The following DOCK3 variants were observed in gnomAD, a reference collection of about 807,000 sequenced individuals.
DOCK3 encodes dedicator of cytokinesis protein 3.
A neutral mutation model predicts 265.6 loss-of-function variants in DOCK3; 60 were observed. The ratio of observed to expected loss-of-function variants is 0.23; its 90% CI spans 0.18 to 0.28. The LOEUF (loss-of-function observed/expected upper bound fraction) is 0.28. Among genes scored for constraint, DOCK3 ranks in the 10% least tolerant of loss-of-function variants. DOCK3 has a pLI of 1.00. For missense variants in DOCK3, 1,981 were observed against 2,594.3 expected (o/e 0.76, Z 5.14); for synonymous variants, 881 against 938.0 (o/e 0.94, Z 1.11).
intron 1 of DOCK3, among the ~76,000 whole-genome samples, chr3:50,729,472 C>T (rs971348157): frequency 6.6e-6 from 1 of 151,782 alleles, no homozygotes; most frequent in Non-Finnish European, 1.5e-5. Context: ...ATGTGCCATG[C>T]TGGTGCGCTG....
intron 32 of DOCK3, among the ~76,000 whole-genome samples, chr3:51,328,987 T>C (rs1216013739): frequency 6.6e-6 from 1 of 152,032 alleles, no homozygotes; most frequent in East Asian, 1.9e-4. Flanking sequence ...ACCCCATCTC[T>C]ACTAAAAATA....
intron 12 of DOCK3, among the ~76,000 whole-genome samples, chr3:51,161,960 T>C (rs994741244): frequency 6.6e-6 from 1 of 152,152 alleles, no homozygotes; most frequent in Non-Finnish European, 1.5e-5. Context: ...TGTTAAACAA[T>C]AGGAAAAACA....
At chr3:50,798,316 C>T (rs1377631849) in intron 2 of DOCK3, among the ~76,000 whole-genome samples, 2 of 152,228 alleles carry the variant, frequency 1.3e-5, no homozygotes, top group East Asian at 3.8e-4. Context: ...ATAGAAGGAA[C>T]TTGACCAAGC....
chr3:51,279,209 G>T (rs1434416075), intron 26 of DOCK3, among the ~76,000 whole-genome samples: 1 of 152,174 alleles, frequency 6.6e-6, no homozygotes, highest in Non-Finnish European at 1.5e-5. Flanking sequence ...CCAAGATCAT[G>T]CCATTGCGCT....
chr3:51,341,703 T>C (rs1560468151), intron 38 of DOCK3, among the ~76,000 whole-genome samples: 1 of 152,226 alleles, frequency 6.6e-6, no homozygotes, highest in Non-Finnish European at 1.5e-5. Context: ...TTTTATTGGA[T>C]TTACTTAAAG....
Position 51,362,594 on chromosome 3 carries a change from C to A in DOCK3, c.5213C>A (p.Ala1738Glu), listed in dbSNP as rs745736088. ...TNVSVLSSSQ[A>E]SPSSSSLSST... ...GTCTCTGTTCTGTCCTCGTCCCAGG[C>A]AAGCCCTTCTTCCTCCAGCCTGAGT... The change falls in exon 49 of 53, where the codon GCA (alanine) becomes GAA (glutamate). Residue 1738 changes from alanine to glutamate, a missense_variant. Around this residue, in one of 4 missense-constraint regions of DOCK3, gnomAD observed 1,357 missense variants for 1,866.8 expected, o/e 0.73. Transcript: ENST00000266037. 6.2e-7 allele frequency: 1 copy of A among 1,614,024 alleles called. No individual in the cohort carries two copies. The highest frequency in any genetic ancestry group is 1.7e-5 in the Admixed American group (1 of 60,024).
intron 5 of DOCK3, among the ~76,000 whole-genome samples, chr3:50,982,190 A>G (rs2077719213): frequency 6.6e-6 from 1 of 152,260 alleles, no homozygotes; most frequent in African/African-American, 2.4e-5. Flanking sequence ...AGTAGGCAGC[A>G]TATAGCTGTG....
intron 14 of DOCK3, among the ~76,000 whole-genome samples, chr3:51,221,268 T>C (rs2090085665): frequency 6.6e-6 from 1 of 152,202 alleles, no homozygotes; most frequent in African/African-American, 2.4e-5. Context: ...AGTAGCTGTT[T>C]GTCTAGGTGC....
At chr3:51,309,333 G>C (rs1006670749) in intron 27 of DOCK3, among the ~76,000 whole-genome samples, 1 of 152,226 alleles carries the variant, frequency 6.6e-6, no homozygotes, top group Non-Finnish European at 1.5e-5. Context: ...TGCAATCCCG[G>C]CACCTCAGGA....
chr3:50,790,473 C>CT (rs35664807), intron 2 of DOCK3, among the ~76,000 whole-genome samples: 89,898 of 131,848 alleles, frequency 0.68, 31,075 homozygotes, highest in Middle Eastern at 0.75. Flanking sequence ...ATATTTAGAG[C>CT]TTTTTTTTTT....
At chr3:50,952,221 A>G (rs539929154) in intron 5 of DOCK3, among the ~76,000 whole-genome samples, 1 of 152,312 alleles carries the variant, frequency 6.6e-6, no homozygotes, top group Admixed American at 6.5e-5. Context: ...TTGGAATAGT[A>G]TAATACTTTC....
At position 50,990,971 on chromosome 3, in the gene DOCK3, A is replaced by G. The variant is rs529494919; in HGVS notation, c.315+56894A>G. ...TACTTTGCATCCTTCAATCCAATCA[A>G]GTTCACACTCAACATTAACCATTAT... is the stretch of plus-strand genomic sequence containing the variant. On this transcript the variant is annotated intron_variant, in intron 5 of 52. Coordinates refer to ENST00000266037, the MANE Select transcript of DOCK3 (RefSeq NM_004947.5). 3.9e-5 allele frequency among the ~76,000 whole-genome samples: 6 copies of G among 152,302 alleles called. 2 individuals are homozygous for G. Among genetic ancestry groups the G allele is most frequent in the African/African-American group, 1.2e-4 (5 of 41,564 alleles).
At chr3:51,303,791 C>G (rs561402101) in intron 27 of DOCK3, among the ~76,000 whole-genome samples, 1 of 152,222 alleles carries the variant, frequency 6.6e-6, no homozygotes, top group East Asian at 1.9e-4. Context: ...GCTTCTTCCT[C>G]TGAGATCTCT....
rs939198343 is a variant in DOCK3, at chr3:51,252,074, A to C, written c.2184+5267A>C. On this transcript the variant is annotated intron_variant, in intron 22 of 52. Transcript: ENST00000266037. ...GGAAGGGATCCAGTTTCAGCTTTCT[A>C]CATATGGCTAGCCAGTTTTCCCAGC... Among the ~76,000 whole-genome samples, 20 of 152,164 alleles carry C rather than the reference A, an allele frequency of 1.3e-4. 1 individual carries two copies. Among genetic ancestry groups the C allele is most frequent in the African/African-American group, 4.6e-4 (19 of 41,450 alleles).
At chr3:51,194,549 G>A (rs1409667354) in intron 12 of DOCK3, among the ~76,000 whole-genome samples, 1 of 151,996 alleles carries the variant, frequency 6.6e-6, no homozygotes, top group Non-Finnish European at 1.5e-5. Flanking sequence ...TCTCTCTTTA[G>A]CTTTAATGAT....
At chr3:51,372,906 A>G (rs2087801705) in intron 49 of DOCK3, among the ~76,000 whole-genome samples, 1 of 152,256 alleles carries the variant, frequency 6.6e-6, no homozygotes, top group South Asian at 2.1e-4. Context: ...AAGAGAACAT[A>G]GAAACCAGTA....
chr3:51,227,147 C>A, intron 15 of DOCK3, 136 bp from the exon 16 acceptor site: 1 of 891,656 alleles, frequency 1.1e-6, no homozygotes, highest in Non-Finnish European at 1.7e-6. Context: ...AAATCAAATG[C>A]ATTTTCTTAT....
rs941907529 is a variant in DOCK3 at position 51,052,713 on chromosome 3, T to C, written c.316-11735T>C. 2.0e-5 allele frequency among the ~76,000 whole-genome samples: 3 copies of C among 152,168 alleles called. No homozygotes were observed. The South Asian group carries it at 6.2e-4, about 31-fold the overall frequency. ...TCTTGAAGGGGCTTGGTTGGCAGGGTAGCAACTATCATTTCTGCTTTGTAT... is the reference window on the plus strand; with the variant it reads ...TCTTGAAGGGGCTTGGTTGGCAGGGCAGCAACTATCATTTCTGCTTTGTAT... On this transcript the variant is annotated intron_variant, in intron 5 of 52. Transcript: ENST00000266037.
intron 13 of DOCK3, among the ~76,000 whole-genome samples, chr3:51,209,233 A>T (rs930578358): frequency 1.3e-5 from 2 of 152,242 alleles, no homozygotes; most frequent in African/African-American, 4.8e-5. Context: ...ATATCTATAT[A>T]GATATAGACA....
Sources: gnomAD v4.1 joint callset for allele counts (sites outside exome capture counted in the v4.1 genomes callset) on GRCh38, gnomAD v4.1.1 for gene constraint, gnomAD v4.1.1 regional missense constraint, MANE v1.5 for transcripts, NCBI Gene and HGNC (gene_info 2026-07-23, HGNC 2026-07-21) for gene names.